The following ADGRL3 variants were observed in gnomAD, a reference collection of about 807,000 sequenced individuals.
ADGRL3 encodes calcium-independent alpha-latrotoxin receptor 3.
In ADGRL3, 62 loss-of-function variants were observed where a neutral mutation model predicts 153.5. The ratio of observed to expected loss-of-function variants is 0.40; its 90% confidence interval spans 0.33 to 0.50. ADGRL3 has a LOEUF of 0.50. Ranked by LOEUF, ADGRL3 falls within the 20% of genes least tolerant of loss-of-function variation. ADGRL3 has a pLI of 0.47. For synonymous variants in ADGRL3, 710 were observed against 672.5 expected (o/e 1.06, Z -0.86); for missense variants, 1,641 against 1,859.4 (o/e 0.88, Z 2.16).
intron 1 of ADGRL3, among the ~76,000 whole-genome samples, chr4:61,233,615 C>T (rs1241032398): frequency 1.8e-4 from 27 of 151,966 alleles, no homozygotes; most frequent in East Asian, 1.9e-4. Flanking sequence ...AACATGTTAA[C>T]AGCACATTTA....
chr4:61,846,485 A>T (rs1180947520), intron 9 of ADGRL3, among the ~76,000 whole-genome samples: 1 of 152,104 alleles, frequency 6.6e-6, no homozygotes, highest in African/African-American at 2.4e-5. Context: ...GTTAATGTTC[A>T]TGCAGGTAAT....
chr4:61,517,402 A>G lies in ADGRL3; in HGVS notation c.143A>G (p.His48Arg). 1 of 749,356 alleles carries G rather than the reference A, an allele frequency of 1.3e-6. No individual in the cohort carries two copies. Among genetic ancestry groups the G allele is most frequent in the Non-Finnish European group, 2.3e-6 (1 of 427,384 alleles). 46.4% of individuals were successfully genotyped at this position (749,356 alleles called of 1,614,324 possible). Reference protein sequence around the residue: ...RSPGGALPPRHLLQQPAAERT... With the variant: ...RSPGGALPPRRLLQQPAAERT... ...CCAGGAGGCGCTCTTCCACCCAGAC[A>G]TCTGCTTCAGCAGCCAGCTGCAGAG... The change falls in exon 4 of 27, where the codon CAT becomes CGT. Residue 48 changes from histidine (H) to arginine (R), a missense_variant. His to Arg is a conservative substitution (Grantham distance 29). Coordinates refer to ENST00000683033, the MANE Select transcript of ADGRL3 (RefSeq NM_001387552.1).
chr4:61,212,814 G>C (rs1029411372), intron 1 of ADGRL3, among the ~76,000 whole-genome samples: 1 of 152,026 alleles, frequency 6.6e-6, no homozygotes, highest in Non-Finnish European at 1.5e-5. Flanking sequence ...CAAAGAAGAA[G>C]GAACACTAAA....
At chr4:61,866,232 G>A (rs1454750563) in intron 9 of ADGRL3, among the ~76,000 whole-genome samples, 3 of 152,020 alleles carry the variant, frequency 2.0e-5, no homozygotes, top group East Asian at 1.9e-4. Context: ...CAGACTCTAC[G>A]GCAAACGTAC....
At chr4:62,023,810 C>T (rs994954889) in intron 21 of ADGRL3, among the ~76,000 whole-genome samples, 9 of 152,026 alleles carry the variant, frequency 5.9e-5, no homozygotes, top group Non-Finnish European at 1.0e-4. Flanking sequence ...AACTTTTATA[C>T]GCACTGGGAA....
Position 62,071,999 on chromosome 4 carries a change from T to A in ADGRL3, c.*1091T>A, listed in dbSNP as rs1745819544. 1 of 196,848 alleles carries A rather than the reference T, an allele frequency of 5.1e-6. No individual in the cohort carries two copies. Among genetic ancestry groups the A allele is most frequent in the Admixed American group, 6.2e-5 (1 of 16,210 alleles). The allele number at this position is 196,848 out of a possible 1,614,324, so 12.2% of individuals were successfully genotyped here. On this transcript the variant is annotated 3_prime_UTR_variant, in exon 27 of 27. Coordinates refer to ENST00000683033, the MANE Select transcript of ADGRL3 (RefSeq NM_001387552.1). ...GGCACGTCTGTTGTAATGCAAAGCA[T>A]ATTTGGCAAGCAGTTCATCACCAGG...
At chr4:61,393,022 G>A (rs944189946) in intron 2 of ADGRL3, among the ~76,000 whole-genome samples, 12 of 152,062 alleles carry the variant, frequency 7.9e-5, no homozygotes, top group Non-Finnish European at 1.6e-4. Flanking sequence ...CTATTAGGAA[G>A]AACCCTGGAT....
At chr4:61,857,662 T>TCCTTTCTTTCTTCCTTC in intron 9 of ADGRL3, among the ~76,000 whole-genome samples, 1 of 151,628 alleles carries the variant, frequency 6.6e-6, no homozygotes, top group African/African-American at 2.4e-5. Flanking sequence ...CTTCCTTCCT[T>TCCTTTCTTTCTTCCTTC]CTTTCTTCCT....
chr4:61,354,530 C>T (rs1284911991), intron 1 of ADGRL3, among the ~76,000 whole-genome samples: 1 of 151,398 alleles, frequency 6.6e-6, no homozygotes. Context: ...ATATTTTATA[C>T]TTCATATGAA....
At chr4:61,532,039 A>G (rs2098620894) in intron 4 of ADGRL3, among the ~76,000 whole-genome samples, 1 of 152,208 alleles carries the variant, frequency 6.6e-6, no homozygotes, top group Non-Finnish European at 1.5e-5. Flanking sequence ...AATCTGTTTT[A>G]TAACATGAAA....
At chr4:62,063,718 T>A in intron 25 of ADGRL3, 2 of 527,124 alleles carry the variant, frequency 3.8e-6, no homozygotes, top group Non-Finnish European at 6.9e-6. Flanking sequence ...TTCTTTCTCC[T>A]GCCTTTCTTT....
intron 5 of ADGRL3, among the ~76,000 whole-genome samples, chr4:61,668,836 A>G (rs891993046): frequency 3.3e-5 from 5 of 152,150 alleles, no homozygotes; most frequent in Admixed American, 3.3e-4. Flanking sequence ...TAGGTAACAC[A>G]GTGAGACCTC....
intron 18 of ADGRL3, 101 bp from the exon 19 acceptor site, chr4:61,983,282 A>C: frequency 1.3e-6 from 1 of 788,948 alleles, no homozygotes; most frequent in South Asian, 1.8e-5. Flanking sequence ...TTGCAGATCT[A>C]TTGTAATGCA....
intron 2 of ADGRL3, among the ~76,000 whole-genome samples, chr4:61,487,361 C>T (rs1275459360): frequency 1.3e-5 from 2 of 152,056 alleles, no homozygotes; most frequent in Non-Finnish European, 2.9e-5. Context: ...ATAGGATATA[C>T]AATAATGTTT....
At chr4:61,472,781 T>C (rs537615240) in intron 2 of ADGRL3, among the ~76,000 whole-genome samples, 45 of 152,192 alleles carry the variant, frequency 3.0e-4, no homozygotes, top group African/African-American at 1.0e-3. Context: ...GCCCTGACTT[T>C]TAATCATAAC....
At chr4:61,916,046 T>C (rs1053402932) in intron 13 of ADGRL3, among the ~76,000 whole-genome samples, 2 of 152,192 alleles carry the variant, frequency 1.3e-5, no homozygotes, top group Admixed American at 1.3e-4. Context: ...GAGTTATCTT[T>C]TGTATGTTCT....
At chr4:62,059,054 A>AGTCAGTG (rs1333656081) in intron 25 of ADGRL3, among the ~76,000 whole-genome samples, 2 of 152,202 alleles carry the variant, frequency 1.3e-5, no homozygotes, top group African/African-American at 4.8e-5. Context: ...TTTTCAGCAC[A>AGTCAGTG]GTCAGTGCTA....
intron 8 of ADGRL3, among the ~76,000 whole-genome samples, chr4:61,780,819 T>C (rs571151502): frequency 1.7e-3 from 260 of 152,266 alleles, no homozygotes; most frequent in Admixed American, 2.5e-3. Flanking sequence ...GAACCAGAGA[T>C]CTTGCCCATC....
chr4:61,409,582 A>T (rs531902996), intron 2 of ADGRL3, among the ~76,000 whole-genome samples: 1 of 151,484 alleles, frequency 6.6e-6, no homozygotes, highest in East Asian at 1.9e-4. Flanking sequence ...AAAGAAAGGC[A>T]TTCAGAAAGC....
Sources: gnomAD v4.1 joint callset for allele counts (sites outside exome capture counted in the v4.1 genomes callset) on GRCh38, gnomAD v4.1.1 for gene constraint, MANE v1.5 for transcripts, NCBI Gene and HGNC (gene_info 2026-07-23, HGNC 2026-07-21) for gene names.